NAALADL2: variants seen among roughly 807,000 people sequenced by gnomAD.
NAALADL2 encodes N-acetylated alpha-linked acidic dipeptidase like 2.
NAALADL2 carries 76 observed loss-of-function variants against 87.2 expected under a neutral mutation model. That is an observed-to-expected ratio of 0.87 (90% confidence interval 0.72 to 1.05). The LOEUF is 1.05. Ranked by LOEUF, NAALADL2 falls within the 50% of genes least tolerant of loss-of-function variation. The pLI is 0.00. For missense variants in NAALADL2, 1,089 were observed against 945.8 expected (o/e 1.15, Z -1.99); for synonymous variants, 354 against 331.0 (o/e 1.07, Z -0.75).
chr3:175,614,950 T>G (rs1725136454), intron 10 of NAALADL2, among the ~76,000 whole-genome samples: 1 of 152,180 alleles, frequency 6.6e-6, no homozygotes. Flanking sequence ...TGACCTAGAA[T>G]GCCAACTGTA....
At chr3:175,306,515 A>G (rs1356361441) in intron 4 of NAALADL2, among the ~76,000 whole-genome samples, 2 of 152,112 alleles carry the variant, frequency 1.3e-5, no homozygotes, top group Admixed American at 1.3e-4. Context: ...CTGTTCTTAT[A>G]TAAAAATCCA....
chr3:174,451,770 CT>C (rs1476801748), intron 1 of NAALADL2, among the ~76,000 whole-genome samples: 1 of 150,412 alleles, frequency 6.6e-6, no homozygotes. Flanking sequence ...TCTTCCTTCA[CT>C]TTGACATAAA....
At chr3:174,734,320 G>A (rs922562301) in intron 2 of NAALADL2, among the ~76,000 whole-genome samples, 1 of 152,176 alleles carries the variant, frequency 6.6e-6, no homozygotes, top group African/African-American at 2.4e-5. Flanking sequence ...CCATACTAAT[G>A]TGGTAATAGC....
intron 11 of NAALADL2, among the ~76,000 whole-genome samples, chr3:175,734,003 GC>G (rs1191458116): frequency 6.6e-6 from 1 of 152,170 alleles, no homozygotes; most frequent in Non-Finnish European, 1.5e-5. Context: ...CCTCCTGGCT[GC>G]TTTTACCGGC....
intron 3 of NAALADL2, among the ~76,000 whole-genome samples, chr3:174,820,128 C>A (rs1271372097): frequency 6.6e-6 from 1 of 152,082 alleles, no homozygotes; most frequent in East Asian, 1.9e-4. Flanking sequence ...GTAGGAATCA[C>A]TTCTAGAAAA....
intron 2 of NAALADL2, among the ~76,000 whole-genome samples, chr3:175,157,984 A>G (rs1244149923): frequency 6.6e-6 from 1 of 152,130 alleles, no homozygotes; most frequent in Non-Finnish European, 1.5e-5. Flanking sequence ...AAACCAAAGG[A>G]GTTCTAGAAA....
At chr3:174,454,417 C>G (rs186247020) in intron 1 of NAALADL2, among the ~76,000 whole-genome samples, 2 of 152,228 alleles carry the variant, frequency 1.3e-5, no homozygotes, top group Non-Finnish European at 2.9e-5. Flanking sequence ...ACTCTCCACG[C>G]TGGAAAAACA....
At chr3:174,600,061 T>C (rs1038577659) in intron 2 of NAALADL2, among the ~76,000 whole-genome samples, 1 of 152,154 alleles carries the variant, frequency 6.6e-6, no homozygotes, top group African/African-American at 2.4e-5. Context: ...TTTACAGTAT[T>C]CTTTATAGTA....
rs1461264 is a variant in NAALADL2, at chr3:175,121,989, A to T, written c.545+24698A>T. Among the ~76,000 whole-genome samples, 309 of 151,654 alleles carry T rather than the reference A, an allele frequency of 2.0e-3. 1 individual carries two copies. The highest frequency in any genetic ancestry group is 3.8e-3 in the Non-Finnish European group (258 of 67,764). On this transcript the variant is annotated intron_variant, in intron 2 of 13. Transcript: ENST00000454872. ...CTGTCTTTACTGCCACAATGGCGAC[A>T]CATTGTAATAGTTGAAAGGAAATGA...
chr3:174,456,268 A>T (rs1449843691), intron 1 of NAALADL2, among the ~76,000 whole-genome samples: 2 of 152,166 alleles, frequency 1.3e-5, no homozygotes, highest in Non-Finnish European at 2.9e-5. Context: ...CAATGTTGTT[A>T]AAATGACCAT....
intron 3 of NAALADL2, among the ~76,000 whole-genome samples, chr3:175,251,994 T>A (rs1234829364): frequency 6.6e-6 from 1 of 152,238 alleles, no homozygotes; most frequent in Non-Finnish European, 1.5e-5. Context: ...TTTATTAACA[T>A]GTACTATTTA....
chr3:175,121,132 A>G (rs1348932039), intron 2 of NAALADL2, among the ~76,000 whole-genome samples: 1 of 151,772 alleles, frequency 6.6e-6, no homozygotes, highest in African/African-American at 2.4e-5. Context: ...AAGACAAGTA[A>G]TAAGGTTGAA....
At chr3:174,906,255 T>C (rs1299646589) in intron 1 of NAALADL2, among the ~76,000 whole-genome samples, 1 of 152,094 alleles carries the variant, frequency 6.6e-6, no homozygotes, top group African/African-American at 2.4e-5. Flanking sequence ...AATCAGCATC[T>C]TCATCTCTTT....
At chr3:175,699,878 A>G (rs926988937) in intron 11 of NAALADL2, among the ~76,000 whole-genome samples, 3 of 152,102 alleles carry the variant, frequency 2.0e-5, no homozygotes, top group African/African-American at 7.2e-5. Context: ...ATTTTAAACA[A>G]TATTATACTT....
intron 1 of NAALADL2, among the ~76,000 whole-genome samples, chr3:175,041,827 A>C (rs1560506511): frequency 6.6e-6 from 1 of 152,234 alleles, no homozygotes; most frequent in East Asian, 1.9e-4. Context: ...ACATATTCGA[A>C]AGGTACAATG....
At position 174,604,915 on chromosome 3, in the gene NAALADL2, C is replaced by T. The variant is rs544935299; in HGVS notation, c.-115+54278C>T. Among the ~76,000 whole-genome samples the T allele has an allele frequency of 1.3e-3, 195 of 151,826 alleles. 1 individual carries two copies. Among genetic ancestry groups the T allele is most frequent in the African/African-American group, 4.4e-3 (182 of 41,428 alleles). On this transcript the variant is annotated intron_variant, in intron 2 of 3. Coordinates refer to the NAALADL2 transcript ENST00000434257. ...TCCCTAGTAGCTGGGATTACAGGCA[C>T]GCACCACCACCCCGGCTGATTTTGA...
rs139806270 is a variant in NAALADL2, at chr3:175,015,130, C to G, written c.44-81660C>G. ...AGGTCATAACTTGGCAAAAAGAAAA[C>G]TGAATTTAAAAATTATAATATTATA... On this transcript the variant is annotated intron_variant, in intron 1 of 13. Transcript: ENST00000454872. 5.5e-3 allele frequency among the ~76,000 whole-genome samples: 833 copies of G among 152,066 alleles called. 3 individuals are homozygous for G. The highest frequency in any genetic ancestry group is 9.9e-3 in the Non-Finnish European group (674 of 67,976).
intron 3 of NAALADL2, among the ~76,000 whole-genome samples, chr3:174,787,600 T>TACAC (rs1221329243): frequency 1.2e-4 from 8 of 68,460 alleles, no homozygotes; most frequent in Non-Finnish European, 1.7e-4. Context: ...TATATATATA[T>TACAC]ATATATATAT....
chr3:174,591,267 C>T (rs1260216138), intron 2 of NAALADL2, among the ~76,000 whole-genome samples: 2 of 151,968 alleles, frequency 1.3e-5, no homozygotes, highest in Non-Finnish European at 2.9e-5. Context: ...TTTTCTAGGC[C>T]CCTAAGGAGG....
Sources: gnomAD v4.1 joint callset for allele counts (sites outside exome capture counted in the v4.1 genomes callset) on GRCh38, gnomAD v4.1.1 for gene constraint, MANE v1.5 for transcripts, NCBI Gene and HGNC (gene_info 2026-07-23, HGNC 2026-07-21) for gene names.